Variants in RPUSD4 observed in about 807,000 individuals in gnomAD.
RPUSD4 encodes pseudouridylate synthase RPUSD4, mitochondrial.
Under a neutral mutation model 35.4 loss-of-function variants are expected in RPUSD4, and 37 were observed. The ratio of observed to expected loss-of-function variants is 1.04; its 90% CI spans 0.80 to 1.37. RPUSD4 has a LOEUF of 1.37. RPUSD4 is among the 40% of genes most tolerant of loss of function. The pLI, the probability that RPUSD4 is intolerant of heterozygous loss-of-function variation, is 0.00. For synonymous variants in RPUSD4, 210 were observed against 192.7 expected, an observed-to-expected ratio of 1.09 and a Z score of -0.74; for missense variants, 507 against 484.9, an observed-to-expected ratio of 1.05 and a Z score of -0.43.
At position 126,210,879 on chromosome 11, in the gene RPUSD4, G is replaced by C. The variant is rs7935403; in HGVS notation, c.355+11C>G. The C allele has an allele frequency of 1.4e-3, 2,192 of 1,610,266 alleles. 27 individuals carry two copies. The African/African-American group carries it at 0.026, about 19-fold the overall frequency. ...CTGCAGGTTCCTCCACCTTTCCCGC[G>C]TGGTCCTTACCATGCACAGGGAGAC... On this transcript the variant is annotated intron_variant, in intron 2 of 6. Transcript: ENST00000298317.
Position 126,205,458 on chromosome 11 carries a change from A to G in RPUSD4, c.796+10T>C, listed in dbSNP as rs773094038. 1.9e-6 allele frequency: 3 copies of G among 1,614,114 alleles called. No homozygotes were observed. Among genetic ancestry groups the G allele is most frequent in the Non-Finnish European group, 2.5e-6 (3 of 1,179,944 alleles). On this transcript the variant is annotated intron_variant, in intron 5 of 6. Coordinates refer to ENST00000298317, the MANE Select transcript of RPUSD4 (RefSeq NM_032795.3). ...TTTGTGATCCCACTGCGGAAAAGTG[A>G]CACTCTCACCAGTGATGGGCTGGAG... is the stretch of plus-strand genomic sequence containing the variant.
Position 126,205,551 on chromosome 11 carries a change from C to A in RPUSD4, c.713G>T (p.Arg238Leu). ...CTGAGTTACAGCAACTTGCGCATTC[C>A]GGCTGCGCCGCACTTTCACCATTTT... is the stretch of plus-strand genomic sequence containing the variant. ...DGKMVKVRRS[R>L]NAQVAVTQYQ... Residue 238 changes from arginine (R) to leucine (L), a missense_variant, in exon 5 of 7, where the codon CGG becomes CTG. Transcript: ENST00000298317. 1 of 1,614,260 alleles carries A rather than the reference C, an allele frequency of 6.2e-7. No homozygotes were observed. Among genetic ancestry groups the A allele is most frequent in the South Asian group, 1.1e-5 (1 of 91,090 alleles).
At chr11:126,204,985 T>C (rs1310057555) in intron 5 of RPUSD4, among the ~76,000 whole-genome samples, 1 of 150,004 alleles carries the variant, frequency 6.7e-6, no homozygotes, top group African/African-American at 2.5e-5. Context: ...TTACTTAGCA[T>C]AATGTTTTCA....
At chr11:126,204,160 C>T in intron 6 of RPUSD4, 71 bp downstream of exon 6, 1 of 1,031,118 alleles carries the variant, frequency 9.7e-7, no homozygotes, top group Non-Finnish European at 1.5e-6. Context: ...TAACTCATTT[C>T]AGAGTTTTAA....
rs762869544 is a variant in RPUSD4 at position 126,210,921 on chromosome 11, G to T, written c.324C>A (p.Val108=). ...CAGGGAGACCGTAGGGCTTATTGAT[G>T]ACCACAAGGTTCTTGTCCTGGTGGA... ...GILHQDKNLV[V]INKPYGLPVH... is the part of the protein sequence containing the mutation. The change falls in exon 2 of 7, where the codon GTC becomes GTA. Residue 108 remains valine, a synonymous_variant. Transcript: ENST00000298317. The T allele has an allele frequency of 6.2e-7, 1 of 1,614,128 alleles. No homozygotes were observed. The highest frequency in any genetic ancestry group is 1.3e-5 in the African/African-American group (1 of 75,032).
chr11:126,203,579 G>A lies in RPUSD4; in HGVS notation c.973C>T (p.Arg325Trp), dbSNP rs1242654204. 7.4e-6 allele frequency: 12 copies of A among 1,614,230 alleles called. No individual in the cohort carries two copies. The highest frequency in any genetic ancestry group is 1.0e-5 in the Non-Finnish European group (12 of 1,180,036). ...CCCAGGGCAGGCAGGATCAGCTGCC[G>A]GGCGTGCAGGTGAAGGGGGATGTAG... ...ARYIPLHLHA[R>W]QLILPALGSG... The change falls in exon 7 of 7, where the codon CGG (arginine) becomes TGG (tryptophan). Residue 325 changes from arginine (R) to tryptophan (W), a missense_variant. By Grantham distance (101) the Arg-to-Trp change is moderately radical (BLOSUM62 -3). Transcript: ENST00000298317.
chr11:126,209,153 GACTA>G (rs1949811216), intron 3 of RPUSD4: 1 of 198,632 alleles, frequency 5.0e-6, no homozygotes, highest in East Asian at 1.5e-4. Flanking sequence ...CACTATACCG[GACTA>G]ACTTCTTACT....
chr11:126,210,595 G>A (rs1949844111), intron 2 of RPUSD4, among the ~76,000 whole-genome samples: 2 of 151,286 alleles, frequency 1.3e-5, no homozygotes, highest in South Asian at 4.2e-4. Flanking sequence ...AGTTCTGATG[G>A]AAGATAACCT....
Position 126,205,738 on chromosome 11 carries a change from C to G in RPUSD4, c.601G>C (p.Asp201His), listed in dbSNP as rs1289906902. The G allele has an allele frequency of 1.9e-6, 3 of 1,613,046 alleles. No individual in the cohort carries two copies. ...HVPMPSAGVVDIPIVEKEAQG... is the reference protein window; with the variant it reads ...HVPMPSAGVVHIPIVEKEAQG... ...GCCTCCTTCTCCACAATGGGGATGT[C>G]CACGACTCCTGCTGAGGGCATGGGG... Residue 201 changes from aspartate to histidine, a missense_variant, in exon 4 of 7, where the codon GAC (aspartate) becomes CAC (histidine). Physicochemically the swap from Asp to His is moderately conservative, Grantham distance 81. Coordinates refer to ENST00000298317, the MANE Select transcript of RPUSD4 (RefSeq NM_032795.3).
Position 126,210,895 on chromosome 11 carries a change from A to G in RPUSD4, c.350T>C (p.Val117Ala). ...CTTTCCCGCGTGGTCCTTACCATGC[A>G]CAGGGAGACCGTAGGGCTTATTGAT... Reference protein sequence around the residue: ...VVINKPYGLPVHGGPGVQLCI... With the variant: ...VVINKPYGLPAHGGPGVQLCI... The change falls in exon 2 of 7, where the codon GTG becomes GCG. Residue 117 changes from valine (V) to alanine (A), a missense_variant. Transcript: ENST00000298317. The G allele has an allele frequency of 6.2e-7, 1 of 1,613,970 alleles. No individual in the cohort carries two copies. Among genetic ancestry groups the G allele is most frequent in the Non-Finnish European group, 8.5e-7 (1 of 1,179,916 alleles).
chr11:126,208,631 T>A (rs1219534399), intron 3 of RPUSD4: 1 of 152,242 alleles, frequency 6.6e-6, no homozygotes, highest in Non-Finnish European at 1.5e-5. Context: ...AAGTATAATG[T>A]AAATTGTACA....
Position 126,211,021 on chromosome 11 carries a change from T to C in RPUSD4, c.224A>G (p.Glu75Gly), listed in dbSNP as rs766267555. The C allele has an allele frequency of 6.2e-7, 1 of 1,613,992 alleles. No homozygotes were observed. The highest frequency in any genetic ancestry group is 1.1e-5 in the South Asian group (1 of 91,064). ...CAGCTGCCGTGTGAACCGCACTATT[T>C]CTTGCACTCTCCGCTGAACAGCGTT... ...STNAVQRRVQ[E>G]IVRFTRQLQR... Residue 75 changes from glutamate (E) to glycine (G), a missense_variant, in exon 2 of 7, where the codon GAA becomes GGA. Glu to Gly is a moderately conservative substitution (Grantham distance 98). Coordinates refer to ENST00000298317, the MANE Select transcript of RPUSD4 (RefSeq NM_032795.3).
chr11:126,203,492 G>A lies in RPUSD4; in HGVS notation c.1060C>T (p.His354Tyr), dbSNP rs548573395. ...KLPRFFVHSL[H>Y]RLRLEMPNED... ...TTTGGCATCTCTAAACGCAGGCGGT[G>A]CAGGGAATGCACAAAGAAGCGAGGA... Residue 354 changes from histidine to tyrosine, a missense_variant, in exon 7 of 7, where the codon CAC becomes TAC. By Grantham distance (83) the His-to-Tyr change is moderately conservative. Coordinates refer to ENST00000298317, the MANE Select transcript of RPUSD4 (RefSeq NM_032795.3). 2.8e-5 allele frequency: 46 copies of A among 1,614,192 alleles called. No individual in the cohort carries two copies. In the South Asian group the frequency reaches 4.1e-4, roughly 14 times the overall value.
At position 126,205,684 on chromosome 11, in the gene RPUSD4, T is replaced by C. The variant is rs113609956; in HGVS notation, c.651+4A>G. 2,195 of 1,613,036 alleles carry C rather than the reference T, an allele frequency of 1.4e-3. 26 individuals are homozygous for C. The African/African-American group carries it at 0.026, about 19-fold the overall frequency. On this transcript the variant is annotated splice_donor_region_variant and intron_variant, in intron 4 of 6. Coordinates refer to ENST00000298317, the MANE Select transcript of RPUSD4 (RefSeq NM_032795.3). ...CCCATGCCTCAGGGAGGCTGCTCGC[T>C]CACCTTGTGGTGTTGCTGCTGGCCT...
intron 3 of RPUSD4, among the ~76,000 whole-genome samples, chr11:126,207,037 T>C (rs1008165751): frequency 6.6e-6 from 1 of 152,240 alleles, no homozygotes; most frequent in African/African-American, 2.4e-5. Context: ...ACATAACATG[T>C]ATTTTATAGT....
chr11:126,211,326 C>T, intron 1 of RPUSD4, 124 bp downstream of exon 1: 2 of 1,147,302 alleles, frequency 1.7e-6, no homozygotes, highest in Non-Finnish European at 2.5e-6. Context: ...TCTCCCCATT[C>T]TCCCACCTTG....
intron 5 of RPUSD4, 118 bp from the exon 6 acceptor site, chr11:126,204,446 C>A (rs1393618988): frequency 4.5e-6 from 3 of 663,520 alleles, no homozygotes; most frequent in Non-Finnish European, 7.6e-6. Flanking sequence ...GGCCAAGTCC[C>A]AACTATAATA....
chr11:126,206,870 G>T (rs938968292), intron 3 of RPUSD4, among the ~76,000 whole-genome samples: 1 of 152,038 alleles, frequency 6.6e-6, no homozygotes, highest in Non-Finnish European at 1.5e-5. Context: ...AGATTTTGTA[G>T]ATCTTCTGTG....
rs1045213582 is a variant in RPUSD4, at chr11:126,202,118, T to C, written c.*1300A>G. 1 of 152,228 alleles carries C rather than the reference T, an allele frequency of 6.6e-6. No homozygotes were observed. The highest frequency in any genetic ancestry group is 2.4e-5 in the African/African-American group (1 of 41,456). 9.4% of individuals were successfully genotyped at this position (152,228 alleles called of 1,614,324 possible). ...GTCTGTGCTTTCAAAGTTAAATTTATTATGCACAGTAATGGGTACCATGGA... is the reference window on the plus strand; with the variant it reads ...GTCTGTGCTTTCAAAGTTAAATTTACTATGCACAGTAATGGGTACCATGGA... On this transcript the variant is annotated 3_prime_UTR_variant, in exon 7 of 7. Coordinates refer to ENST00000298317, the MANE Select transcript of RPUSD4 (RefSeq NM_032795.3).
Sources: allele counts gnomAD v4.1 joint callset (sites outside exome capture counted in the v4.1 genomes callset), GRCh38; gene constraint gnomAD v4.1.1; transcripts MANE v1.5; gene names NCBI Gene and HGNC (gene_info 2026-07-23, HGNC 2026-07-21).